Variants in BPIFB2 observed in about 807,000 individuals in gnomAD.
BPIFB2 encodes BPI fold-containing family B member 2.
BPIFB2 carries 39 observed loss-of-function variants against 50.1 expected under a neutral mutation model. The observed-to-expected ratio is 0.78, with a 90% CI of 0.60 to 1.02. BPIFB2 has a LOEUF of 1.02. Among genes scored for constraint, BPIFB2 ranks in the 50% least tolerant of loss-of-function variants. The pLI is 0.00. For synonymous variants in BPIFB2, 280 were observed against 256.3 expected, an observed-to-expected ratio of 1.09 and a Z score of -0.88; for missense variants, 574 against 585.8, an observed-to-expected ratio of 0.98 and a Z score of 0.21.
At position 33,021,846 on chromosome 20, in the gene BPIFB2, G is replaced by A. The variant is rs774410427; in HGVS notation, c.1335+47G>A. 3.2e-6 allele frequency: 5 copies of A among 1,563,832 alleles called. No individual in the cohort carries two copies. The South Asian group carries it at 5.6e-5, about 17-fold the overall frequency. On this transcript the variant is annotated intron_variant, in intron 15 of 15. Coordinates refer to ENST00000170150, the MANE Select transcript of BPIFB2 (RefSeq NM_025227.3). ...CAGAGGGGCCTCCTTCACTCAGAGG[G>A]ACTGATTGAGGTGGGGGTCACCTCT...
In BPIFB2 at chr20:33,021,273, G is replaced by A. The variant is rs373339133; in HGVS notation, c.1195-8G>A. 86 of 1,613,902 alleles carry A rather than the reference G, an allele frequency of 5.3e-5. No individual in the cohort carries two copies. The highest frequency in any genetic ancestry group is 4.9e-4 in the Middle Eastern group (3 of 6,062). On this transcript the variant is annotated splice_polypyrimidine_tract_variant and splice_region_variant and intron_variant, in intron 13 of 15. Transcript: ENST00000170150. Reference sequence around the variant, plus strand: ...GACGGGCCCATCTCCCTGGCTCCGTGGCCACAGACAGATCAGGTGCGCACA... The same window carrying A: ...GACGGGCCCATCTCCCTGGCTCCGTAGCCACAGACAGATCAGGTGCGCACA...
In BPIFB2 at chr20:33,021,327, T is replaced by C. The variant is rs1238031624; in HGVS notation, c.1241T>C (p.Leu414Pro). Reference sequence around the variant, plus strand: ...ATGGGCACCGTTTTTGAGAAGCCCCTGCTGGACCATCTCAATGGTAAGCCC... The same window carrying C: ...ATGGGCACCGTTTTTGAGAAGCCCCCGCTGGACCATCTCAATGGTAAGCCC... ...TLMGTVFEKP[L>P]LDHLNALLAM... The change falls in exon 14 of 16, where the codon CTG (leucine) becomes CCG (proline). Residue 414 changes from leucine to proline, a missense_variant. Coordinates refer to ENST00000170150, the MANE Select transcript of BPIFB2 (RefSeq NM_025227.3). 1 of 1,613,580 alleles carries C rather than the reference T, an allele frequency of 6.2e-7. No homozygotes were observed. The highest frequency in any genetic ancestry group is 1.3e-5 in the African/African-American group (1 of 74,908).
In BPIFB2 at chr20:33,023,506, T is replaced by A. The variant is rs1198330955; in HGVS notation, c.*123T>A. Reference sequence around the variant, plus strand: ...GTCATCACCAACAAGCTGGACTGCTTAGCTGGGCTGTTTTATCTTCCCTGA... The same window carrying A: ...GTCATCACCAACAAGCTGGACTGCTAAGCTGGGCTGTTTTATCTTCCCTGA... On this transcript the variant is annotated 3_prime_UTR_variant, in exon 16 of 16. Coordinates refer to ENST00000170150, the MANE Select transcript of BPIFB2 (RefSeq NM_025227.3). 1.7e-6 allele frequency: 2 copies of A among 1,189,706 alleles called. No homozygotes were observed. The highest frequency in any genetic ancestry group is 4.8e-5 in the East Asian group (2 of 41,520). 73.7% of individuals were successfully genotyped at this position (1,189,706 alleles called of 1,614,324 possible). A position where few individuals can be genotyped will look rare whatever the true frequency, so the allele number is the denominator to read the frequency against.
chr20:33,022,332 C>G (rs575308043), intron 15 of BPIFB2, among the ~76,000 whole-genome samples: 1 of 152,340 alleles, frequency 6.6e-6, no homozygotes, highest in African/African-American at 2.4e-5. Context: ...GTCTCTCAAG[C>G]CCAATGTCTC....
Position 33,019,671 on chromosome 20 carries a change from C to T in BPIFB2, c.1001C>T (p.Thr334Ile). Residue 334 changes from threonine to isoleucine, a missense_variant, in exon 11 of 16, where the codon ACC (threonine) becomes ATC (isoleucine). By Grantham distance (89) the Thr-to-Ile change is moderately conservative. Coordinates refer to ENST00000170150, the MANE Select transcript of BPIFB2 (RefSeq NM_025227.3). ...GCCATGCTCCACACAAACAACGCCA[C>T]CCTGCGGCTGCAGCCCTTCGTGGAG... ...PVAMLHTNNA[T>I]LRLQPFVEVL... The T allele has an allele frequency of 6.2e-7, 1 of 1,612,830 alleles. No homozygotes were observed. Among genetic ancestry groups the T allele is most frequent in the Non-Finnish European group, 8.5e-7 (1 of 1,179,532 alleles).
intron 5 of BPIFB2, among the ~76,000 whole-genome samples, chr20:33,015,177 G>A (rs776898216): frequency 3.9e-5 from 6 of 152,136 alleles, no homozygotes; most frequent in African/African-American, 9.7e-5. Context: ...CTTTTGCAAC[G>A]CCCTCTCTGT....
At chr20:33,017,242 A>G (rs1978469386) in intron 7 of BPIFB2, 140 bp downstream of exon 7, 3 of 623,958 alleles carry the variant, frequency 4.8e-6, no homozygotes, top group Admixed American at 3.4e-5. Flanking sequence ...TGAGCTCCCA[A>G]AACAGTGTAA....
At chr20:33,010,558 G>A (rs868422729) in intron 2 of BPIFB2, among the ~76,000 whole-genome samples, 4 of 152,126 alleles carry the variant, frequency 2.6e-5, no homozygotes, top group South Asian at 2.1e-4. Flanking sequence ...ACCAGGATCT[G>A]AGAGACTCTT....
rs141553176 is a variant in BPIFB2 at position 33,020,487 on chromosome 20, C to T, written c.1149-55C>T. 492 of 1,594,950 alleles carry T rather than the reference C, an allele frequency of 3.1e-4. 8 individuals are homozygous for T. The East Asian group carries it at 0.011, about 36-fold the overall frequency. On this transcript the variant is annotated intron_variant, in intron 12 of 15. Coordinates refer to ENST00000170150, the MANE Select transcript of BPIFB2 (RefSeq NM_025227.3). ...CTGGGTCACGGTGTTAGCCAGGGAG[C>T]CTGGGCGTAGGGAGGTGCCAGACCC...
chr20:33,011,834 C>A (rs1600511047), intron 3 of BPIFB2, among the ~76,000 whole-genome samples: 1 of 152,120 alleles, frequency 6.6e-6, no homozygotes, highest in African/African-American at 2.4e-5. Context: ...CAAAAATTAG[C>A]TGGGAGTGGT....
At position 33,017,068 on chromosome 20, in the gene BPIFB2, G is replaced by C. The variant is rs774868071; in HGVS notation, c.543G>C (p.Val181=). 2.4e-5 allele frequency: 38 copies of C among 1,614,136 alleles called. No individual in the cohort carries two copies. Among genetic ancestry groups the C allele is most frequent in the Non-Finnish European group, 3.1e-5 (37 of 1,180,002 alleles). Reference sequence around the variant, plus strand: ...TGTGCCTGAGCATCTCCAACCTGGTGCAGGGTGTCAATGTCCACCTGGGCA... The same window carrying C: ...TGTGCCTGAGCATCTCCAACCTGGTCCAGGGTGTCAATGTCCACCTGGGCA... ...NKLCLSISNL[V]QGVNVHLGTL... is the part of the protein sequence containing the mutation. The change falls in exon 7 of 16, where the codon GTG becomes GTC. Residue 181 remains valine (V), a synonymous_variant. Transcript: ENST00000170150.
chr20:33,014,277 C>T (rs1034980385), intron 5 of BPIFB2, among the ~76,000 whole-genome samples: 1 of 152,166 alleles, frequency 6.6e-6, no homozygotes, highest in Non-Finnish European at 1.5e-5. Context: ...CGGAGACCCA[C>T]CCCTCCTAGC....
chr20:33,009,581 T>TA lies in BPIFB2; in HGVS notation c.109+901dup, dbSNP rs899317596. 4.6e-5 allele frequency among the ~76,000 whole-genome samples: 7 copies of TA among 152,102 alleles called. No homozygotes were observed. Among genetic ancestry groups the TA allele is most frequent in the African/African-American group, 1.7e-4 (7 of 41,418 alleles). ...GTAGCAGGTTTCCCCCACCCCTGGG[T>TA]AAACACAGCCTTCCGGGACCTCATA... On this transcript the variant is annotated intron_variant, in intron 2 of 15. Coordinates refer to ENST00000170150, the MANE Select transcript of BPIFB2 (RefSeq NM_025227.3). The surrounding 1 kb of genome is among the most constrained non-coding windows in gnomAD (Gnocchi z 4.2).
chr20:33,016,624 A>C (rs574776541), intron 6 of BPIFB2, among the ~76,000 whole-genome samples: 124 of 152,290 alleles, frequency 8.1e-4, no homozygotes, highest in Middle Eastern at 3.4e-3. Context: ...CTGGCCTGGC[A>C]TCTGAAGCTT....
chr20:33,020,724 T>C (rs537355610), intron 13 of BPIFB2, 137 bp downstream of exon 13: 3 of 1,008,152 alleles, frequency 3.0e-6, no homozygotes, highest in South Asian at 2.0e-5. Context: ...CCCGGGCTGC[T>C]TGGGGACAGT....
intron 15 of BPIFB2, 86 bp from the exon 16 acceptor site, chr20:33,023,256 G>A: frequency 7.4e-7 from 1 of 1,349,940 alleles, no homozygotes; most frequent in Non-Finnish European, 1.1e-6. Flanking sequence ...GAATGGCAGA[G>A]CAGAACTCAG....
At position 33,010,891 on chromosome 20, in the gene BPIFB2, T is replaced by C. The variant is rs568700896; in HGVS notation, c.110-133T>C. 30 of 724,070 alleles carry C rather than the reference T, an allele frequency of 4.1e-5. No homozygotes were observed. The African/African-American group carries it at 4.8e-4, about 11-fold the overall frequency. 44.9% of individuals were successfully genotyped at this position (724,070 alleles called of 1,614,324 possible). On this transcript the variant is annotated intron_variant, in intron 2 of 15. Coordinates refer to ENST00000170150, the MANE Select transcript of BPIFB2 (RefSeq NM_025227.3). ...TGGGGAGTCAGCTGCCCTCCCCATA[T>C]GCTTGGAGTAAGCCTACCCCTTCCA...
At chr20:33,020,897 C>T (rs535916970) in intron 13 of BPIFB2, among the ~76,000 whole-genome samples, 7 of 152,278 alleles carry the variant, frequency 4.6e-5, no homozygotes, top group African/African-American at 1.2e-4. Context: ...ACTTGTCAGC[C>T]GGCATGCCAT....
chr20:33,018,715 A>C lies in BPIFB2; in HGVS notation c.748A>C (p.Thr250Pro). Residue 250 changes from threonine to proline, a missense_variant, in exon 9 of 16, where the codon ACC becomes CCC. Transcript: ENST00000170150. The part of the protein sequence containing the change: ...TPFVLPRHVG[T>P]EGSMATVGLS... The stretch of plus-strand genomic sequence containing the variant: ...TTTTGTGTTGCCAAGGCATGTGGGT[A>C]CCGAGGGCTCCATGGCCACCGTGGG... 6.2e-7 allele frequency: 1 copy of C among 1,614,166 alleles called. No individual in the cohort carries two copies. Among genetic ancestry groups the C allele is most frequent in the Non-Finnish European group, 8.5e-7 (1 of 1,180,012 alleles).
Sources: gnomAD v4.1 joint callset for allele counts (sites outside exome capture counted in the v4.1 genomes callset) on GRCh38, gnomAD v4.1.1 for gene constraint, Gnocchi (gnomAD v3.1) non-coding constraint, MANE v1.5 for transcripts, NCBI Gene and HGNC (gene_info 2026-07-23, HGNC 2026-07-21) for gene names.